The following ANKRD44 variants were observed in gnomAD, a reference collection of about 807,000 sequenced individuals.
The protein encoded by ANKRD44 is serine/threonine-protein phosphatase 6 regulatory ankyrin repeat subunit B.
A neutral mutation model predicts 116.0 loss-of-function variants in ANKRD44; 35 were observed. That is an observed-to-expected ratio of 0.30 (90% CI 0.23 to 0.40). The LOEUF is 0.40. ANKRD44 is among the 10% of genes least tolerant of loss of function. ANKRD44 has a pLI of 1.00. For missense variants in ANKRD44, 1,014 were observed against 1,242.6 expected (o/e 0.82, Z 2.77); for synonymous variants, 435 against 461.8 (o/e 0.94, Z 0.74).
At chr2:197,059,274 T>A (rs2125045815) in intron 16 of ANKRD44, among the ~76,000 whole-genome samples, 1 of 152,252 alleles carries the variant, frequency 6.6e-6, no homozygotes, top group Non-Finnish European at 1.5e-5. Context: ...TTTTAAAAAA[T>A]TTGCAATGGA....
chr2:197,172,904 A>G (rs1036626576), intron 2 of ANKRD44, among the ~76,000 whole-genome samples: 8 of 152,196 alleles, frequency 5.3e-5, no homozygotes, highest in African/African-American at 1.9e-4. Context: ...CCCCTAGCAC[A>G]GCACCAGGAA....
chr2:197,093,173 A>G (rs533540356), intron 10 of ANKRD44, among the ~76,000 whole-genome samples: 1 of 152,094 alleles, frequency 6.6e-6, no homozygotes, highest in African/African-American at 2.4e-5. Context: ...CATAATATAT[A>G]TACAATATAG....
chr2:196,990,509 G>A, intron 27 of ANKRD44: 1 of 1,227,488 alleles, frequency 8.1e-7, no homozygotes, highest in Non-Finnish European at 1.0e-6. Context: ...GGCCATCTGT[G>A]TGACTGTTCC....
At chr2:197,207,657 CATGAGATT>C (rs931373065) in intron 1 of ANKRD44, among the ~76,000 whole-genome samples, 1 of 152,180 alleles carries the variant, frequency 6.6e-6, no homozygotes, top group Non-Finnish European at 1.5e-5. Context: ...GGTGCTCTTT[CATGAGATT>C]ATGATAGACC....
intron 1 of ANKRD44, among the ~76,000 whole-genome samples, chr2:197,232,040 T>C (rs2081876559): frequency 6.6e-6 from 1 of 152,176 alleles, no homozygotes; most frequent in Non-Finnish European, 1.5e-5. Context: ...CCTTTGAGTA[T>C]ATGAAGGAAT....
chr2:197,275,064 G>T (rs551276296), intron 1 of ANKRD44, among the ~76,000 whole-genome samples: 1 of 151,882 alleles, frequency 6.6e-6, no homozygotes, highest in Non-Finnish European at 1.5e-5. Context: ...AGCTGTGATT[G>T]TACCATGACA....
chr2:197,182,809 C>A (rs1263975298), intron 2 of ANKRD44, among the ~76,000 whole-genome samples: 1 of 152,160 alleles, frequency 6.6e-6, no homozygotes, highest in African/African-American at 2.4e-5. Flanking sequence ...ATATAAGTGA[C>A]CTGCCAAGTT....
rs539275287 is a variant in ANKRD44, at chr2:197,073,950, G to A, written c.1650+4753C>T. On this transcript the variant is annotated intron_variant, in intron 16 of 27. Transcript: ENST00000282272. ...TTCATCAGCTGCCAAATTCATTCAT[G>A]GTAAAGCCCCCAAAATTTTTTCTGC... Among the ~76,000 whole-genome samples, 37 of 152,162 alleles carry A rather than the reference G, an allele frequency of 2.4e-4. 1 individual carries two copies. The East Asian group carries it at 6.9e-3, about 29-fold the overall frequency.
chr2:197,020,147 C>T (rs1480805908), intron 17 of ANKRD44, among the ~76,000 whole-genome samples: 1 of 152,056 alleles, frequency 6.6e-6, no homozygotes, highest in East Asian at 1.9e-4. Flanking sequence ...CTCAGGAGCA[C>T]TTCATGTAAA....
At chr2:197,304,705 C>CACTTCTCCCTTCCCGTGTACCCATAGCAA (rs1402956733) in intron 1 of ANKRD44, among the ~76,000 whole-genome samples, 3 of 152,198 alleles carry the variant, frequency 2.0e-5, no homozygotes, top group Non-Finnish European at 4.4e-5. Context: ...CAACATATGT[C>CACTTCTCCCTTCCCGTGTACCCATAGCAA]ACTTCTCCCT....
intron 10 of ANKRD44, among the ~76,000 whole-genome samples, chr2:197,096,980 G>A (rs10180495): frequency 1.0e-3 from 155 of 152,290 alleles, no homozygotes; most frequent in African/African-American, 3.7e-3. Context: ...AAAGAAAGCA[G>A]ACATGGCTCT....
At chr2:197,301,013 C>T (rs1443452048) in intron 1 of ANKRD44, 1 of 152,152 alleles carries the variant, frequency 6.6e-6, no homozygotes, top group African/African-American at 2.4e-5. Flanking sequence ...TCTCGAACTC[C>T]TGACCTCAGG....
intron 1 of ANKRD44, among the ~76,000 whole-genome samples, chr2:197,238,106 C>T (rs2082013525): frequency 1.3e-5 from 2 of 152,210 alleles, no homozygotes; most frequent in Admixed American, 6.5e-5. Context: ...CTGGTAGCTT[C>T]CTGTGCTCAT....
intron 16 of ANKRD44, among the ~76,000 whole-genome samples, chr2:197,068,585 T>G (rs185769429): frequency 3.6e-4 from 55 of 151,884 alleles, no homozygotes; most frequent in African/African-American, 1.3e-3. Context: ...ATATCCAGAA[T>G]CTACAAAGAA....
At chr2:197,187,484 T>C (rs1021697473) in intron 1 of ANKRD44, among the ~76,000 whole-genome samples, 2 of 152,126 alleles carry the variant, frequency 1.3e-5, no homozygotes, top group African/African-American at 4.8e-5. Flanking sequence ...CCCACCAACA[T>C]TGATATGTTG....
intron 4 of ANKRD44, chr2:197,135,079 C>G (rs544939399): frequency 6.6e-6 from 1 of 152,276 alleles, no homozygotes; most frequent in East Asian, 1.9e-4. Context: ...CAACCAACCC[C>G]TTTTAAAACC....
At chr2:196,979,552 G>A (rs939956061) in intron 21 of ANKRD44, among the ~76,000 whole-genome samples, 1 of 103,116 alleles carries the variant, frequency 9.7e-6, no homozygotes, top group Non-Finnish European at 1.9e-5. Flanking sequence ...TTAATAAGAT[G>A]ACTTTTTTTT....
chr2:197,099,952 A>C, intron 9 of ANKRD44, 22 bp from the exon 10 acceptor site: 1 of 1,608,116 alleles, frequency 6.2e-7, no homozygotes. Flanking sequence ...ATTTTAATAC[A>C]GGATAACGCA....
At chr2:197,251,107 A>G (rs1441015841) in intron 1 of ANKRD44, 1 of 152,244 alleles carries the variant, frequency 6.6e-6, no homozygotes, top group Non-Finnish European at 1.5e-5. Flanking sequence ...TATTGCTAAA[A>G]CCATAACAAA....
Sources: gnomAD v4.1 joint callset for allele counts (sites outside exome capture counted in the v4.1 genomes callset) on GRCh38, gnomAD v4.1.1 for gene constraint, MANE v1.5 for transcripts, NCBI Gene and HGNC (gene_info 2026-07-23, HGNC 2026-07-21) for gene names.